The following WWOX variants were observed in gnomAD, a reference collection of about 807,000 sequenced individuals.
WWOX encodes the protein WW domain containing oxidoreductase.
In WWOX, 69 loss-of-function variants were observed where a neutral mutation model predicts 46.2. That is an observed-to-expected ratio of 1.49 (90% CI 1.23 to 1.82). The LOEUF is 1.82. Among genes scored for constraint, WWOX ranks in the 40% most tolerant of loss-of-function variants. The pLI is 0.00. For missense variants in WWOX, 919 were observed against 542.6 expected, an observed-to-expected ratio of 1.69 and a Z score of -6.89; for synonymous variants, 359 against 202.6, an observed-to-expected ratio of 1.77 and a Z score of -6.56.
intron 8 of WWOX, among the ~76,000 whole-genome samples, chr16:78,492,152 G>A (rs370867874): frequency 1.8e-4 from 27 of 152,190 alleles, no homozygotes; most frequent in African/African-American, 5.8e-4. Context: ...GATGAGTGGC[G>A]TTTCCACACA....
At chr16:78,913,804 G>T (rs1015448440) in intron 8 of WWOX, among the ~76,000 whole-genome samples, 2 of 151,890 alleles carry the variant, frequency 1.3e-5, no homozygotes, top group Non-Finnish European at 2.9e-5. Context: ...TGGGACTAAA[G>T]TGTGCACCAC....
intron 8 of WWOX, among the ~76,000 whole-genome samples, chr16:79,156,996 T>C (rs2050394395): frequency 6.6e-6 from 1 of 152,218 alleles, no homozygotes; most frequent in South Asian, 2.1e-4. Context: ...GAACTGGCCC[T>C]TGTTGTAGAA....
chr16:78,587,657 G>C (rs1319132071), intron 8 of WWOX, among the ~76,000 whole-genome samples: 1 of 152,118 alleles, frequency 6.6e-6, no homozygotes, highest in Non-Finnish European at 1.5e-5. Flanking sequence ...TTGGGTGTGG[G>C]GAGTGGAGGG....
Position 79,184,133 on chromosome 16 carries a change from G to C in WWOX, c.1057-27475G>C, listed in dbSNP as rs563320626. ...CAGCACAATCACTGAAAAATCTTCTGAATGGATTGTAAATTAAACCCTCCC... is the reference window on the plus strand; with the variant it reads ...CAGCACAATCACTGAAAAATCTTCTCAATGGATTGTAAATTAAACCCTCCC... On this transcript the variant is annotated intron_variant, in intron 8 of 8. Coordinates refer to ENST00000566780, the MANE Select transcript of WWOX (RefSeq NM_016373.4). Among the ~76,000 whole-genome samples, 5 of 152,292 alleles carry C rather than the reference G, an allele frequency of 3.3e-5. No individual in the cohort carries two copies. The South Asian group carries it at 1.0e-3, about 32-fold the overall frequency.
At chr16:78,923,959 C>G (rs2045440193) in intron 8 of WWOX, among the ~76,000 whole-genome samples, 1 of 151,904 alleles carries the variant, frequency 6.6e-6, no homozygotes. Flanking sequence ...GCCACCACGC[C>G]TGGCTAATTT....
chr16:78,378,585 G>C (rs149717356), intron 5 of WWOX, among the ~76,000 whole-genome samples: 2,669 of 152,294 alleles, frequency 0.018, 47 homozygotes, highest in South Asian at 0.054. Context: ...TTGTAGTTCA[G>C]TGAATAATGT....
chr16:78,387,896 C>G (rs2082093629), intron 6 of WWOX, among the ~76,000 whole-genome samples: 1 of 151,972 alleles, frequency 6.6e-6, no homozygotes, highest in Non-Finnish European at 1.5e-5. Context: ...GTGGAGAGCT[C>G]TCATAAATGA....
intron 8 of WWOX, among the ~76,000 whole-genome samples, chr16:78,473,179 G>C (rs911205125): frequency 6.6e-6 from 1 of 152,212 alleles, no homozygotes; most frequent in Non-Finnish European, 1.5e-5. Flanking sequence ...ACCCAGGCTA[G>C]AGTGCAGTGG....
chr16:78,465,885 C>T (rs1324090254), intron 8 of WWOX, among the ~76,000 whole-genome samples: 2 of 152,160 alleles, frequency 1.3e-5, no homozygotes, highest in African/African-American at 4.8e-5. Flanking sequence ...ACACATTAAA[C>T]ACTAAGAGGT....
intron 8 of WWOX, among the ~76,000 whole-genome samples, chr16:78,491,241 G>A (rs1352102924): frequency 6.6e-6 from 1 of 152,104 alleles, no homozygotes; most frequent in Non-Finnish European, 1.5e-5. Context: ...TTCCCTCTCA[G>A]TCAGCTGCTA....
intron 5 of WWOX, among the ~76,000 whole-genome samples, chr16:78,353,190 C>A (rs1413138296): frequency 6.6e-6 from 1 of 152,196 alleles, no homozygotes; most frequent in Non-Finnish European, 1.5e-5. Context: ...ATCTTAGCAA[C>A]TCTTCATTGC....
intron 8 of WWOX, among the ~76,000 whole-genome samples, chr16:78,453,214 A>T (rs750812770): frequency 3.9e-5 from 6 of 152,030 alleles, no homozygotes; most frequent in Admixed American, 6.6e-5. Flanking sequence ...ACCTAAGGTC[A>T]GGAGTTTGAT....
At chr16:78,933,967 G>A (rs1021593823) in intron 8 of WWOX, among the ~76,000 whole-genome samples, 1 of 152,054 alleles carries the variant, frequency 6.6e-6, no homozygotes, top group African/African-American at 2.4e-5. Context: ...CAAGGTGGGA[G>A]AATTACTTGA....
chr16:78,874,677 T>C (rs12917820), intron 8 of WWOX, among the ~76,000 whole-genome samples: 1 of 135,334 alleles, frequency 7.4e-6, no homozygotes, highest in Non-Finnish European at 1.6e-5. Flanking sequence ...GACCAGAAGA[T>C]TTTTTTCTTT....
intron 8 of WWOX, among the ~76,000 whole-genome samples, chr16:78,491,276 ACTGT>A (rs1258567109): frequency 1.3e-5 from 2 of 152,182 alleles, no homozygotes; most frequent in Admixed American, 6.5e-5. Flanking sequence ...TTGTATCGTG[ACTGT>A]CTGGTTACAA....
chr16:78,642,148 G>T (rs2046733760), intron 8 of WWOX, among the ~76,000 whole-genome samples: 1 of 152,098 alleles, frequency 6.6e-6, no homozygotes, highest in South Asian at 2.1e-4. Flanking sequence ...AAAATATATG[G>T]CACTTTTATA....
At chr16:78,692,876 G>A (rs993689269) in intron 8 of WWOX, among the ~76,000 whole-genome samples, 2 of 152,158 alleles carry the variant, frequency 1.3e-5, no homozygotes, top group Non-Finnish European at 2.9e-5. Flanking sequence ...GTTGTTTATA[G>A]TAAAAACAAA....
chr16:78,135,803 A>T lies in WWOX; in HGVS notation c.409+20649A>T, dbSNP rs150033755. Among the ~76,000 whole-genome samples the T allele has an allele frequency of 1.7e-4, 26 of 152,308 alleles. No individual in the cohort carries two copies. In the East Asian group the frequency reaches 5.0e-3, roughly 29 times the overall value. The stretch of plus-strand genomic sequence containing the variant: ...ATCTGTGATTCCTTTTTTACTTGTC[A>T]GTCCTTTTGGGAGTTGAACATATAA... On this transcript the variant is annotated intron_variant, in intron 4 of 8. Transcript: ENST00000566780.
At chr16:79,059,788 A>G (rs1022243787) in intron 8 of WWOX, among the ~76,000 whole-genome samples, 2 of 152,242 alleles carry the variant, frequency 1.3e-5, no homozygotes, top group African/African-American at 4.8e-5. Context: ...TGTTCTGCTA[A>G]TTATCCTACC....
Sources: allele counts gnomAD v4.1 joint callset (sites outside exome capture counted in the v4.1 genomes callset), GRCh38; gene constraint gnomAD v4.1.1; transcripts MANE v1.5; gene names NCBI Gene and HGNC (gene_info 2026-07-23, HGNC 2026-07-21).